Variants in MYO5A observed in about 807,000 individuals in gnomAD.
MYO5A encodes unconventional myosin-Va.
In MYO5A, 98 loss-of-function variants were observed where a neutral mutation model predicts 249.7. The observed-to-expected ratio is 0.39, with a 90% CI of 0.33 to 0.46. The LOEUF (loss-of-function observed/expected upper bound fraction) is 0.46, where lower values mean the gene tolerates loss of function less well. Among genes scored for constraint, MYO5A ranks in the 20% least tolerant of loss-of-function variants. The pLI is 0.98. For synonymous variants in MYO5A, 778 were observed against 810.6 expected, an observed-to-expected ratio of 0.96 and a Z score of 0.68; for missense variants, 1,696 against 2,308.8, an observed-to-expected ratio of 0.73 and a Z score of 5.44.
At chr15:52,421,099 A>G (rs558545700) in intron 4 of MYO5A, among the ~76,000 whole-genome samples, 1 of 152,336 alleles carries the variant, frequency 6.6e-6, no homozygotes, top group African/African-American at 2.4e-5. Context: ...CATATATAAA[A>G]TTATCCTTAT....
At chr15:52,401,391 T>C (rs1421093970) in intron 9 of MYO5A, among the ~76,000 whole-genome samples, 1 of 152,136 alleles carries the variant, frequency 6.6e-6, no homozygotes, top group Non-Finnish European at 1.5e-5. Flanking sequence ...TTTAATTGTC[T>C]GAAAATGCTT....
At chr15:52,324,253 C>G (rs2038485308) in intron 36 of MYO5A, among the ~76,000 whole-genome samples, 2 of 152,068 alleles carry the variant, frequency 1.3e-5, no homozygotes, top group Non-Finnish European at 2.9e-5. Flanking sequence ...AAGTCCTGAG[C>G]TGGGCAGTAC....
At chr15:52,422,205 G>A (rs2043825459) in intron 4 of MYO5A, among the ~76,000 whole-genome samples, 1 of 152,186 alleles carries the variant, frequency 6.6e-6, no homozygotes, top group Admixed American at 6.5e-5. Flanking sequence ...TGAGGGCATT[G>A]TACTCTCTAA....
At chr15:52,450,694 A>T (rs1012159042) in intron 1 of MYO5A, among the ~76,000 whole-genome samples, 1 of 151,494 alleles carries the variant, frequency 6.6e-6, no homozygotes, top group Non-Finnish European at 1.5e-5. Context: ...ATTTAGAAAC[A>T]AGGTCTCACT....
chr15:52,482,105 A>T (rs1243614474), intron 1 of MYO5A, among the ~76,000 whole-genome samples: 1 of 152,214 alleles, frequency 6.6e-6, no homozygotes. Flanking sequence ...GAAGAGCTAG[A>T]GTGGTATCTG....
rs1395515493 is a variant in MYO5A, at chr15:52,416,092, CA to C, written c.612+52del. 1.3e-5 allele frequency: 21 copies of C among 1,601,794 alleles called. No homozygotes were observed. The East Asian group carries it at 1.8e-4, about 14-fold the overall frequency. On this transcript the variant is annotated intron_variant, in intron 5 of 41. Coordinates refer to ENST00000399233, the MANE Select transcript of MYO5A (RefSeq NM_001382347.1). ...ATGCTGTATCAATCAATTTTTTGAGCATGTTTCTTATCAAGAGAATATAGGA... is the reference window on the plus strand; with the variant it reads ...ATGCTGTATCAATCAATTTTTTGAGCTGTTTCTTATCAAGAGAATATAGGA...
At chr15:52,385,431 G>C (rs528620283) in intron 14 of MYO5A, among the ~76,000 whole-genome samples, 1 of 152,214 alleles carries the variant, frequency 6.6e-6, no homozygotes, top group South Asian at 2.1e-4. Context: ...GTATTTGGTA[G>C]AACTGAAATT....
intron 9 of MYO5A, among the ~76,000 whole-genome samples, chr15:52,403,937 C>T (rs2042875433): frequency 6.6e-6 from 1 of 152,088 alleles, no homozygotes; most frequent in Admixed American, 6.5e-5. Flanking sequence ...ACTGTCTGCC[C>T]ATCTAGCTCT....
At chr15:52,361,459 T>C (rs1390161615) in intron 24 of MYO5A, among the ~76,000 whole-genome samples, 1 of 152,138 alleles carries the variant, frequency 6.6e-6, no homozygotes. Flanking sequence ...CAACATTGCT[T>C]TTTGCTATTT....
intron 9 of MYO5A, among the ~76,000 whole-genome samples, chr15:52,400,471 T>C (rs1190157322): frequency 1.3e-5 from 2 of 152,256 alleles, no homozygotes; most frequent in Non-Finnish European, 2.9e-5. Context: ...ATTCCCTTTG[T>C]TGGCCTAACA....
At chr15:52,365,160 T>C (rs998273483) in intron 23 of MYO5A, among the ~76,000 whole-genome samples, 1 of 152,352 alleles carries the variant, frequency 6.6e-6, no homozygotes, top group East Asian at 1.9e-4. Flanking sequence ...GTTGTCCTAC[T>C]CTACAGAGTC....
chr15:52,388,700 GA>G (rs2042076811), intron 13 of MYO5A, among the ~76,000 whole-genome samples: 1 of 152,140 alleles, frequency 6.6e-6, no homozygotes, highest in Non-Finnish European at 1.5e-5. Flanking sequence ...TGCCTTATTA[GA>G]AGGGACCCAG....
At chr15:52,439,415 T>C (rs1483618176) in intron 1 of MYO5A, among the ~76,000 whole-genome samples, 1 of 152,238 alleles carries the variant, frequency 6.6e-6, no homozygotes, top group African/African-American at 2.4e-5. Context: ...TCACTTATGC[T>C]ACCTGAAACC....
chr15:52,477,685 C>G (rs367828214), intron 1 of MYO5A, among the ~76,000 whole-genome samples: 2 of 152,156 alleles, frequency 1.3e-5, no homozygotes, highest in African/African-American at 4.8e-5. Flanking sequence ...CACTCCAGAC[C>G]CTGTTTGCCT....
In MYO5A at chr15:52,402,587, G is replaced by A. The variant is rs1032105587; in HGVS notation, c.1053+2700C>T. 3.9e-5 allele frequency among the ~76,000 whole-genome samples: 6 copies of A among 152,148 alleles called. No individual in the cohort carries two copies. The South Asian group carries it at 8.3e-4, about 21-fold the overall frequency. On this transcript the variant is annotated intron_variant, in intron 9 of 41. Transcript: ENST00000399233. ...AGGCCAGGCGCAGTGGCTCATGCCT[G>A]TAATCCCAGCACTTTAGGAGGCCAA... is the stretch of plus-strand genomic sequence containing the variant.
intron 29 of MYO5A, 122 bp downstream of exon 29, chr15:52,348,696 A>C: frequency 1.1e-6 from 1 of 910,716 alleles, no homozygotes; most frequent in Non-Finnish European, 1.7e-6. Context: ...TTCACTTACA[A>C]ATTCAAAATA....
chr15:52,318,744 C>G (rs911238426), intron 39 of MYO5A, among the ~76,000 whole-genome samples: 10 of 152,152 alleles, frequency 6.6e-5, no homozygotes, highest in Non-Finnish European at 8.8e-5. Flanking sequence ...GGAGAGGAAG[C>G]AGCTATCTCA....
intron 1 of MYO5A, 143 bp downstream of exon 1, chr15:52,528,637 G>A (rs932777147): frequency 3.1e-6 from 3 of 959,922 alleles, no homozygotes; most frequent in Non-Finnish European, 4.2e-6. Flanking sequence ...CCGGCTGGTA[G>A]GGCCGAGGGT....
At chr15:52,336,429 C>G in intron 34 of MYO5A, 34 bp downstream of exon 34, 2 of 1,400,366 alleles carry the variant, frequency 1.4e-6, no homozygotes, top group Non-Finnish European at 2.0e-6. Flanking sequence ...CAAACCAAGA[C>G]TCAGTGACCG....
Sources: gnomAD v4.1 joint callset for allele counts (sites outside exome capture counted in the v4.1 genomes callset) on GRCh38, gnomAD v4.1.1 for gene constraint, MANE v1.5 for transcripts, NCBI Gene and HGNC (gene_info 2026-07-23, HGNC 2026-07-21) for gene names.